PRPF8: variants seen among roughly 807,000 people sequenced by gnomAD.
PRPF8 encodes the protein pre-mRNA-processing-splicing factor 8.
In PRPF8, 64 loss-of-function variants were observed where a neutral mutation model predicts 285.9. The observed-to-expected ratio is 0.22, with a 90% CI of 0.18 to 0.28. The LOEUF (loss-of-function observed/expected upper bound fraction) is 0.28. Ranked by LOEUF, PRPF8 falls within the 10% of genes least tolerant of loss-of-function variation. The probability of loss-of-function intolerance (pLI) is 1.00; values close to 1 mark genes in which losing one functional copy is unlikely to be tolerated. For missense variants in PRPF8, 1,426 were observed against 3,026.7 expected (o/e 0.47, Z 12.41); for synonymous variants, 1,325 against 1,118.2 (o/e 1.18, Z -3.69).
chr17:1,659,182 C>G lies in PRPF8; in HGVS notation c.5138+175G>C, dbSNP rs1385613784. On this transcript the variant is annotated intron_variant, in intron 32 of 42. Coordinates refer to ENST00000304992, the MANE Select transcript of PRPF8 (RefSeq NM_006445.4). The surrounding 1 kb of genome is among the most constrained non-coding windows in gnomAD (Gnocchi z 5.1). Reference sequence around the variant, plus strand: ...CTGGGACTACAGGCGTGGACCACCACGCCCAGCTAATTTTTTGTATTTTGG... The same window carrying G: ...CTGGGACTACAGGCGTGGACCACCAGGCCCAGCTAATTTTTTGTATTTTGG... The G allele has an allele frequency of 2.7e-6, 2 of 749,562 alleles. No homozygotes were observed. The highest frequency in any genetic ancestry group is 4.2e-5 in the Admixed American group (2 of 47,060). The allele number at this position is 749,562 out of a possible 1,614,324, so 46.4% of individuals were successfully genotyped here.
At chr17:1,655,054 T>G in intron 37 of PRPF8, 2 of 374,816 alleles carry the variant, frequency 5.3e-6, no homozygotes, top group Non-Finnish European at 1.0e-5. Flanking sequence ...TGCCCCCAGG[T>G]TCAAGCAATT....
intron 24 of PRPF8, among the ~76,000 whole-genome samples, chr17:1,672,641 T>A (rs1912389390): frequency 6.6e-6 from 1 of 152,128 alleles, no homozygotes; most frequent in South Asian, 2.1e-4. Flanking sequence ...ATTCCTCAGA[T>A]TTTTCTTTCT....
Position 1,676,120 on chromosome 17 carries a change from G to A in PRPF8, c.2553-66C>T. Reference sequence around the variant, plus strand: ...GGAAGTAAAACCAGGAAAGACTGGGGCTACACCTTCTTTCTTTGGACTCTG... The same window carrying A: ...GGAAGTAAAACCAGGAAAGACTGGGACTACACCTTCTTTCTTTGGACTCTG... On this transcript the variant is annotated intron_variant, in intron 17 of 42. Coordinates refer to ENST00000304992, the MANE Select transcript of PRPF8 (RefSeq NM_006445.4). The surrounding 1 kb of genome is among the most constrained non-coding windows in gnomAD (Gnocchi z 6.3). 6.2e-7 allele frequency: 1 copy of A among 1,611,724 alleles called. No homozygotes were observed. Among genetic ancestry groups the A allele is most frequent in the Non-Finnish European group, 8.5e-7 (1 of 1,179,580 alleles).
At chr17:1,657,920 G>A (rs904298046) in intron 34 of PRPF8, among the ~76,000 whole-genome samples, 2 of 149,290 alleles carry the variant, frequency 1.3e-5, no homozygotes, top group East Asian at 2.0e-4. Context: ...GCAGTGAACC[G>A]AGATTGAGCC....
In PRPF8 at chr17:1,658,718, C is replaced by T; in HGVS notation, c.5184G>A (p.Gln1728=). 6.2e-7 allele frequency: 1 copy of T among 1,614,252 alleles called. No homozygotes were observed. Residue 1728 remains glutamine (Q), a synonymous_variant, in exon 33 of 43, where the codon CAG becomes CAA. Transcript: ENST00000304992. The surrounding 1 kb of genome is among the most constrained non-coding windows in gnomAD (Gnocchi z 4.1). ...TTGCCTTCATGATCTTGGCCATGGC[C>T]TGTTGTATGAGAGGCTTGCTGCCTG... The part of the protein sequence containing the change: ...WFPGSKPLIQ[Q]AMAKIMKANP...
At position 1,675,094 on chromosome 17, in the gene PRPF8, T is replaced by C; in HGVS notation, c.3060+58A>G. ...AGCCTCCTCCTCAGCAAATTCTGAG[T>C]CAGTGGGCCAGACAAGCACTCCACA... is the stretch of plus-strand genomic sequence containing the variant. On this transcript the variant is annotated intron_variant, in intron 20 of 42. Coordinates refer to ENST00000304992, the MANE Select transcript of PRPF8 (RefSeq NM_006445.4). The surrounding 1 kb of genome is among the most constrained non-coding windows in gnomAD (Gnocchi z 6.0). 1 of 1,603,192 alleles carries C rather than the reference T, an allele frequency of 6.2e-7. No homozygotes were observed. The highest frequency in any genetic ancestry group is 2.2e-5 in the East Asian group (1 of 44,830).
At position 1,658,949 on chromosome 17, in the gene PRPF8, T is replaced by C. The variant is rs1229259302; in HGVS notation, c.5139-186A>G. On this transcript the variant is annotated intron_variant, in intron 32 of 42. Transcript: ENST00000304992. This position sits in a 1 kb window ranked among gnomAD's most constrained non-coding sequence, Gnocchi z 4.1. ...GAGGAATGGGCCACTTCCTCTCACTTAGGTAAAGTAAAAAAGTATGACTAC... is the reference window on the plus strand; with the variant it reads ...GAGGAATGGGCCACTTCCTCTCACTCAGGTAAAGTAAAAAAGTATGACTAC... 8 of 700,648 alleles carry C rather than the reference T, an allele frequency of 1.1e-5. No homozygotes were observed. Among genetic ancestry groups the C allele is most frequent in the African/African-American group, 7.0e-5 (4 of 56,858 alleles). 43.4% of individuals were successfully genotyped at this position (700,648 alleles called of 1,614,324 possible). A position where few individuals can be genotyped will look rare whatever the true frequency, so the allele number is the denominator to read the frequency against.
At chr17:1,671,908 C>A (rs572281329) in intron 24 of PRPF8, among the ~76,000 whole-genome samples, 5 of 150,950 alleles carry the variant, frequency 3.3e-5, no homozygotes, top group Non-Finnish European at 7.4e-5. Flanking sequence ...GGCGTATGCA[C>A]CTGTGGTCCC....
In PRPF8 at chr17:1,650,925, C is replaced by T. The variant is rs769542507; in HGVS notation, c.6885G>A (p.Glu2295=). 2.7e-5 allele frequency: 44 copies of T among 1,614,164 alleles called. No individual in the cohort carries two copies. The highest frequency in any genetic ancestry group is 3.7e-5 in the Non-Finnish European group (44 of 1,180,036). The part of the protein sequence containing the change: ...GVRHDPNMKY[E]LQLANPKEFY... ...ACTCTTTGGGGTTCGCCAGCTGTAGCTCATATTTCATGTTGGGGTCATGCC... is the reference window on the plus strand; with the variant it reads ...ACTCTTTGGGGTTCGCCAGCTGTAGTTCATATTTCATGTTGGGGTCATGCC... The change falls in exon 43 of 43, where the codon GAG becomes GAA. Residue 2295 remains glutamate (E), a synonymous_variant. Transcript: ENST00000304992.
At chr17:1,668,869 TCA>T (rs1912146719) in intron 24 of PRPF8, among the ~76,000 whole-genome samples, 1 of 152,118 alleles carries the variant, frequency 6.6e-6, no homozygotes, top group African/African-American at 2.4e-5. Flanking sequence ...CCAATCCCTC[TCA>T]GTTTCTTCAG....
rs1004311291 is a variant in PRPF8, at chr17:1,675,928, C to T, written c.2679G>A (p.Glu893=). The T allele has an allele frequency of 3.8e-5, 62 of 1,614,014 alleles. No individual in the cohort carries two copies. Among genetic ancestry groups the T allele is most frequent in the Non-Finnish European group, 5.2e-5 (61 of 1,180,034 alleles). Reference sequence around the variant, plus strand: ...AGAAAACTTGGGAGGCCTCACTCACCTCTTTGAAGGCTCTCTGTGTGAGGA... The same window carrying T: ...AGAAAACTTGGGAGGCCTCACTCACTTCTTTGAAGGCTCTCTGTGTGAGGA... ...RHLLTQRAFK[E]VGIEFMDLYS... is the part of the protein sequence containing the mutation. The change falls in exon 18 of 43, where the codon GAG becomes GAA. Residue 893 remains glutamate (E), a splice_region_variant and synonymous_variant. Transcript: ENST00000304992. The surrounding 1 kb of genome is among the most constrained non-coding windows in gnomAD (Gnocchi z 6.0).
At chr17:1,670,767 G>C (rs139854451) in intron 24 of PRPF8, among the ~76,000 whole-genome samples, 2,012 of 152,182 alleles carry the variant, frequency 0.013, 47 homozygotes, top group African/African-American at 0.046. Context: ...GATTACAGGC[G>C]TGAGCCCCCG....
In PRPF8 at chr17:1,682,195, G is replaced by A; in HGVS notation, c.368C>T (p.Thr123Ile). The A allele has an allele frequency of 1.2e-6, 2 of 1,614,164 alleles. No homozygotes were observed. The highest frequency in any genetic ancestry group is 1.7e-6 in the Non-Finnish European group (2 of 1,180,024). The stretch of plus-strand genomic sequence containing the variant: ...CTCATTGACGAAGGAAATGGCTCCA[G>A]TGATGTGGTACAGCACAGGCACATC... ...IRDVPVLYHITGAISFVNEIP... is the reference protein window; with the variant it reads ...IRDVPVLYHIIGAISFVNEIP... Residue 123 changes from threonine (T) to isoleucine (I), a missense_variant, in exon 4 of 43, where the codon ACT (threonine) becomes ATT (isoleucine). Around this residue, in one of 34 missense-constraint regions of PRPF8, gnomAD observed 96 missense variants for 188.3 expected, o/e 0.51. Coordinates refer to ENST00000304992, the MANE Select transcript of PRPF8 (RefSeq NM_006445.4).
At chr17:1,684,703 C>T (rs1913147364) in intron 1 of PRPF8, 77 bp downstream of exon 1, 10 of 910,494 alleles carry the variant, frequency 1.1e-5, no homozygotes, top group Non-Finnish European at 1.6e-5. Context: ...CCAGCCCCGC[C>T]CGGCCTAACC....
intron 34 of PRPF8, 141 bp from the exon 35 acceptor site, chr17:1,656,902 A>G: frequency 1.2e-6 from 1 of 823,302 alleles, no homozygotes; most frequent in South Asian, 1.5e-5. Context: ...AGAAGGTACA[A>G]AGAGTATCAA....
Position 1,680,978 on chromosome 17 carries a change from C to T in PRPF8, c.943G>A (p.Ala315Thr). The change falls in exon 7 of 43, where the codon GCT becomes ACT. Residue 315 changes from alanine (A) to threonine (T), a missense_variant. Around this residue, in one of 34 missense-constraint regions of PRPF8, gnomAD observed 157 missense variants for 159.6 expected, o/e 0.98. Transcript: ENST00000304992. ...RQPIRTEYKI[A>T]FPYLYNNLPH... is the part of the protein sequence containing the mutation. Reference sequence around the variant, plus strand: ...AGATTGTTGTACAAGTAAGGAAAAGCAATCTTGTACTCAGTGCGGATAGGC... The same window carrying T: ...AGATTGTTGTACAAGTAAGGAAAAGTAATCTTGTACTCAGTGCGGATAGGC... The T allele has an allele frequency of 6.2e-7, 1 of 1,613,698 alleles. No homozygotes were observed. The highest frequency in any genetic ancestry group is 1.3e-5 in the African/African-American group (1 of 75,002).
At chr17:1,683,995 T>C (rs981367008) in intron 2 of PRPF8, among the ~76,000 whole-genome samples, 17 of 151,846 alleles carry the variant, frequency 1.1e-4, no homozygotes, top group Non-Finnish European at 1.9e-4. Flanking sequence ...CAAGCCATTC[T>C]CCTGCCTCAG....
In PRPF8 at chr17:1,684,789, C is replaced by T. The variant is rs1913156128; in HGVS notation, c.-21G>A. On this transcript the variant is annotated 5_prime_UTR_variant, in exon 1 of 43. Transcript: ENST00000304992. ...AACGCCTGCCACGCACCCCACAGGC[C>T]CTCACACAAGAGGCCGCTTTCCCCG... 2 of 605,822 alleles carry T rather than the reference C, an allele frequency of 3.3e-6. No homozygotes were observed. Among genetic ancestry groups the T allele is most frequent in the Non-Finnish European group, 5.9e-6 (2 of 338,944 alleles). 37.5% of individuals were successfully genotyped at this position (605,822 alleles called of 1,614,324 possible).
rs937000275 is a variant in PRPF8 at position 1,658,400 on chromosome 17, C to A, written c.5377-19G>T. On this transcript the variant is annotated intron_variant, in intron 33 of 42. Transcript: ENST00000304992. The surrounding 1 kb of genome is among the most constrained non-coding windows in gnomAD (Gnocchi z 4.1). ...CAAAGGTCTAGAGGAGGACGGCATT[C>A]GTTAGCATGGCCTACACAACACATC... 6.2e-7 allele frequency: 1 copy of A among 1,614,082 alleles called. No individual in the cohort carries two copies. The highest frequency in any genetic ancestry group is 1.3e-5 in the African/African-American group (1 of 74,916).
Sources: gnomAD v4.1 joint callset for allele counts (sites outside exome capture counted in the v4.1 genomes callset) on GRCh38, gnomAD v4.1.1 for gene constraint, gnomAD v4.1.1 regional missense constraint, Gnocchi (gnomAD v3.1) non-coding constraint, MANE v1.5 for transcripts, NCBI Gene and HGNC (gene_info 2026-07-23, HGNC 2026-07-21) for gene names.